Variants in CDH23 observed in about 807,000 individuals in gnomAD.
CDH23 encodes cadherin-23.
A neutral mutation model predicts 317.1 loss-of-function variants in CDH23; 189 were observed. The ratio of observed to expected loss-of-function variants is 0.60; its 90% CI spans 0.53 to 0.67. The LOEUF (loss-of-function observed/expected upper bound fraction) is 0.67. CDH23 is among the 30% of genes least tolerant of loss of function. The pLI, the probability that CDH23 is intolerant of heterozygous loss-of-function variation, is 0.00. For synonymous variants in CDH23, 1,839 were observed against 1,876.8 expected (o/e 0.98, Z 0.52); for missense variants, 4,401 against 4,592.4 (o/e 0.96, Z 1.20).
chr10:71,549,968 G>T (rs1042173253), intron 6 of CDH23, among the ~76,000 whole-genome samples: 6 of 152,098 alleles, frequency 3.9e-5, no homozygotes, highest in Non-Finnish European at 8.8e-5. Flanking sequence ...AGCCTGCTGG[G>T]TTTATCTAGC....
At chr10:71,811,648 G>C in intron 64 of CDH23, 58 bp downstream of exon 64, 8 of 1,613,786 alleles carry the variant, frequency 5.0e-6, no homozygotes, top group Non-Finnish European at 6.8e-6. Context: ...GGATGGCCAC[G>C]AGGCAGGCAG....
chr10:71,541,084 A>G lies in CDH23; in HGVS notation c.430-25658A>G, dbSNP rs79085333. On this transcript the variant is annotated intron_variant, in intron 6 of 69. Transcript: ENST00000224721. ...TGCTGCCAGAGCCCTGCTCCTGAGCACACAATTCTCATGCAGCTGATGGCC... is the reference window on the plus strand; with the variant it reads ...TGCTGCCAGAGCCCTGCTCCTGAGCGCACAATTCTCATGCAGCTGATGGCC... Among the ~76,000 whole-genome samples the G allele has an allele frequency of 9.1e-4, 138 of 152,104 alleles. 1 individual carries two copies. In the East Asian group the frequency reaches 0.024, roughly 26 times the overall value.
At chr10:71,695,672 T>C (rs2132717490) in intron 22 of CDH23, 147 bp downstream of exon 22, 1 of 622,788 alleles carries the variant, frequency 1.6e-6, no homozygotes, top group East Asian at 2.8e-5. Flanking sequence ...GTTCTAGCGG[T>C]TCTCCTGCAT....
chr10:71,678,711 C>T (rs1393121544), intron 16 of CDH23, among the ~76,000 whole-genome samples: 3 of 152,206 alleles, frequency 2.0e-5, no homozygotes, highest in Non-Finnish European at 4.4e-5. Context: ...GAGGGACAAC[C>T]TGGAAAGAAG....
chr10:71,585,621 G>A (rs368148525), intron 9 of CDH23, among the ~76,000 whole-genome samples: 3 of 152,118 alleles, frequency 2.0e-5, no homozygotes, highest in Non-Finnish European at 2.9e-5. Context: ...CCATCATGCC[G>A]AGACAGCAAT....
intron 1 of CDH23, among the ~76,000 whole-genome samples, chr10:71,407,377 G>A (rs921849657): frequency 1.3e-5 from 2 of 152,160 alleles, no homozygotes; most frequent in African/African-American, 2.4e-5. Flanking sequence ...ATGTTCAGGC[G>A]CCTCCAGCAT....
intron 38 of CDH23, among the ~76,000 whole-genome samples, chr10:71,744,465 C>T (rs1839808435): frequency 1.3e-5 from 2 of 152,208 alleles, no homozygotes; most frequent in African/African-American, 4.8e-5. Flanking sequence ...AGTTAATCAC[C>T]CAGAATGCAT....
intron 6 of CDH23, among the ~76,000 whole-genome samples, chr10:71,518,019 T>C (rs1004970920): frequency 6.6e-6 from 1 of 152,118 alleles, no homozygotes; most frequent in African/African-American, 2.4e-5. Flanking sequence ...GACATATGCT[T>C]GTGGGCAGAG....
chr10:71,617,533 A>G, intron 11 of CDH23, 140 bp downstream of exon 11: 1 of 1,490,936 alleles, frequency 6.7e-7, no homozygotes, highest in Non-Finnish European at 8.9e-7. Context: ...GAGGATAAAT[A>G]AGGCTGAAAA....
At chr10:71,449,669 G>C (rs544725363) in intron 3 of CDH23, among the ~76,000 whole-genome samples, 226 of 152,336 alleles carry the variant, frequency 1.5e-3, no homozygotes, top group Non-Finnish European at 2.7e-3. Context: ...CAGAGGTAGA[G>C]TTGGGCTACA....
intron 55 of CDH23, among the ~76,000 whole-genome samples, chr10:71,803,988 A>C (rs2132980085): frequency 6.6e-6 from 1 of 151,810 alleles, no homozygotes; most frequent in African/African-American, 2.4e-5. Flanking sequence ...TTGTCAAAAA[A>C]AAAAAAAAAA....
chr10:71,800,782 A>G (rs1259619409), intron 53 of CDH23, 27 bp downstream of exon 53: 2 of 1,611,046 alleles, frequency 1.2e-6, no homozygotes, highest in Non-Finnish European at 1.7e-6. Context: ...TGGGCCAGGG[A>G]TGACAGGGAC....
intron 9 of CDH23, among the ~76,000 whole-genome samples, chr10:71,614,572 A>T (rs1861082195): frequency 6.6e-6 from 1 of 152,216 alleles, no homozygotes; most frequent in South Asian, 2.1e-4. Context: ...CCGGGAAGGG[A>T]GATCCAATGA....
chr10:71,773,216 C>A, intron 38 of CDH23: 3 of 984,670 alleles, frequency 3.0e-6, no homozygotes, highest in Non-Finnish European at 4.5e-6. Context: ...GGGGTCCCAG[C>A]AGCCTCTGGG....
At chr10:71,806,354 A>G (rs1451504820) in intron 57 of CDH23, 73 bp downstream of exon 57, 4 of 1,009,716 alleles carry the variant, frequency 4.0e-6, no homozygotes, top group Admixed American at 4.0e-5. Context: ...ACACTCTCCT[A>G]TATACACTGT....
intron 2 of CDH23, among the ~76,000 whole-genome samples, chr10:71,441,391 A>T (rs1175578440): frequency 6.6e-6 from 1 of 151,962 alleles, no homozygotes; most frequent in Non-Finnish European, 1.5e-5. Context: ...CTCCTCCCCC[A>T]TTCTGTTCCA....
At chr10:71,653,438 C>T (rs1387365791) in intron 14 of CDH23, among the ~76,000 whole-genome samples, 2 of 152,244 alleles carry the variant, frequency 1.3e-5, no homozygotes, top group East Asian at 3.8e-4. Flanking sequence ...CCTGTCCCTC[C>T]ATGCTGCTGA....
intron 6 of CDH23, 99 bp downstream of exon 6, chr10:71,511,311 G>C: frequency 8.9e-7 from 1 of 1,129,322 alleles, no homozygotes; most frequent in Non-Finnish European, 1.3e-6. Context: ...AGCAGCTGTG[G>C]CTCTTCTGCC....
At chr10:71,615,692 G>C in intron 10 of CDH23, 76 bp downstream of exon 10, 2 of 1,023,110 alleles carry the variant, frequency 2.0e-6, no homozygotes, top group Admixed American at 3.9e-5. Context: ...AGCAGTGTCC[G>C]AGGGCTCCTG....
Sources: allele counts gnomAD v4.1 joint callset (sites outside exome capture counted in the v4.1 genomes callset), GRCh38; gene constraint gnomAD v4.1.1; transcripts MANE v1.5; gene names NCBI Gene and HGNC (gene_info 2026-07-23, HGNC 2026-07-21).